Variants in BMPR1A observed in about 807,000 individuals in gnomAD.
The protein encoded by BMPR1A is bone morphogenetic protein receptor type 1A.
A neutral mutation model predicts 66.0 loss-of-function variants in BMPR1A; 7 were observed. That is an observed-to-expected ratio of 0.11 (90% CI 0.06 to 0.20). BMPR1A has a LOEUF of 0.20. Ranked by LOEUF, BMPR1A falls within the 10% of genes least tolerant of loss-of-function variation. The pLI, the probability that BMPR1A is intolerant of heterozygous loss-of-function variation, is 1.00. For synonymous variants in BMPR1A, 200 were observed against 229.7 expected, an observed-to-expected ratio of 0.87 and a Z score of 1.17; for missense variants, 408 against 669.1, an observed-to-expected ratio of 0.61 and a Z score of 4.31.
chr10:86,923,506 A>C lies in BMPR1A; in HGVS notation c.1473A>C (p.Glu491Asp). ...TGTCTAATCGGTGGAACAGTGATGA[A>C]GTGAGTGGAACTCAGTCCCCTGAAG... ...PIVSNRWNSD[E>D]CLRAVLKLMS... is the part of the protein sequence containing the mutation. The change falls in exon 12 of 13, where the codon GAA (glutamate) becomes GAC (aspartate). Residue 491 changes from glutamate (E) to aspartate (D), a missense_variant and splice_region_variant. Glu to Asp is a conservative substitution (Grantham distance 45, BLOSUM62 2). Transcript: ENST00000372037. The C allele has an allele frequency of 6.2e-7, 1 of 1,614,246 alleles. No homozygotes were observed. Among genetic ancestry groups the C allele is most frequent in the Non-Finnish European group, 8.5e-7 (1 of 1,180,048 alleles).
At chr10:86,854,023 A>T (rs1842607674) in intron 2 of BMPR1A, among the ~76,000 whole-genome samples, 2 of 152,150 alleles carry the variant, frequency 1.3e-5, no homozygotes, top group African/African-American at 4.8e-5. Flanking sequence ...GGCTTATTTC[A>T]TCCCTACAGT....
At chr10:86,808,516 G>A (rs76737044) in intron 1 of BMPR1A, among the ~76,000 whole-genome samples, 169 of 152,052 alleles carry the variant, frequency 1.1e-3, no homozygotes, top group African/African-American at 3.9e-3. Context: ...TTCATGTAAC[G>A]TCAATTCACC....
Position 86,781,929 on chromosome 10 carries a change from C to T in BMPR1A, c.-268+25010C>T, listed in dbSNP as rs947353861. 1.9e-4 allele frequency among the ~76,000 whole-genome samples: 26 copies of T among 138,032 alleles called. 1 individual carries two copies. Among genetic ancestry groups the T allele is most frequent in the Middle Eastern group, 8.8e-3 (2 of 226 alleles). 90.6% of individuals were successfully genotyped at this position (138,032 alleles called of 152,430 possible). On this transcript the variant is annotated intron_variant, in intron 1 of 12. Coordinates refer to ENST00000372037, the MANE Select transcript of BMPR1A (RefSeq NM_004329.3). The stretch of plus-strand genomic sequence containing the variant: ...CCAGGCAGGCTGGAGTGCAGTGGCG[C>T]GATCTGGGCTCACTGCAACCCCCGC...
At chr10:86,878,697 T>C (rs1299290326) in intron 3 of BMPR1A, among the ~76,000 whole-genome samples, 1 of 152,230 alleles carries the variant, frequency 6.6e-6, no homozygotes, top group Non-Finnish European at 1.5e-5. Flanking sequence ...TGGCCTCAAC[T>C]AGACCTGATA....
At chr10:86,916,737 C>G (rs2133572148) in intron 8 of BMPR1A, among the ~76,000 whole-genome samples, 1 of 152,190 alleles carries the variant, frequency 6.6e-6, no homozygotes, top group Non-Finnish European at 1.5e-5. Flanking sequence ...GCCTGTAATC[C>G]CAGCATTATG....
intron 1 of BMPR1A, among the ~76,000 whole-genome samples, chr10:86,830,082 T>C (rs1842246999): frequency 6.6e-6 from 1 of 152,076 alleles, no homozygotes; most frequent in African/African-American, 2.4e-5. Flanking sequence ...AGTGGGAATT[T>C]GTAGCCAAGG....
In BMPR1A at chr10:86,925,768, T is replaced by TGGACTGC. The variant is rs1331225551; in HGVS notation, c.*2057_*2063dup. ...CGGAGTCTCGCTCTGTCGCCCAGGC[T>TGGACTGC]GGACTGCGGACTGCAGTGGCGCAAT... On this transcript the variant is annotated 3_prime_UTR_variant, in exon 13 of 13. Coordinates refer to ENST00000372037, the MANE Select transcript of BMPR1A (RefSeq NM_004329.3). 2 of 146,362 alleles carry TGGACTGC rather than the reference T, an allele frequency of 1.4e-5. No homozygotes were observed. Among genetic ancestry groups the TGGACTGC allele is most frequent in the Non-Finnish European group, 2.8e-5 (2 of 71,694 alleles). The allele number at this position is 146,362 out of a possible 1,614,324, so 9.1% of individuals were successfully genotyped here.
At chr10:86,923,318 A>ATTGGTATATCT in intron 11 of BMPR1A, 58 bp from the exon 12 acceptor site, 1 of 1,606,700 alleles carries the variant, frequency 6.2e-7, no homozygotes, top group South Asian at 1.1e-5. Context: ...TGCTTACTAG[A>ATTGGTATATCT]TTGGTATATC....
intron 2 of BMPR1A, among the ~76,000 whole-genome samples, chr10:86,874,189 A>G (rs1842889276): frequency 6.6e-6 from 1 of 152,188 alleles, no homozygotes; most frequent in African/African-American, 2.4e-5. Flanking sequence ...TCTTGATACT[A>G]ATTAGCCTTT....
intron 2 of BMPR1A, among the ~76,000 whole-genome samples, chr10:86,866,867 C>T (rs552993895): frequency 9.9e-5 from 15 of 152,224 alleles, no homozygotes; most frequent in Non-Finnish European, 2.2e-4. Context: ...TGGAATTCAG[C>T]AAGTTATTTA....
intron 1 of BMPR1A, among the ~76,000 whole-genome samples, chr10:86,806,178 CA>C (rs1841887443): frequency 6.6e-6 from 1 of 152,158 alleles, no homozygotes; most frequent in African/African-American, 2.4e-5. Context: ...TCTAGGGTAT[CA>C]GAAGCATACT....
chr10:86,930,991 C>T (rs528871274), downstream of BMPR1A: 1 of 152,054 alleles, frequency 6.6e-6, no homozygotes, highest in African/African-American at 2.4e-5. Context: ...TGGCTAATGC[C>T]TCTAATCCCA....
intron 1 of BMPR1A, 147 bp downstream of exon 1, chr10:86,757,066 G>C (rs1375298267): frequency 1.3e-5 from 2 of 150,824 alleles, no homozygotes; most frequent in Non-Finnish European, 3.0e-5. Flanking sequence ...CGCAGGCCTC[G>C]GCGCGCGCTG....
At chr10:86,882,859 G>A (rs1220271371) in intron 3 of BMPR1A, among the ~76,000 whole-genome samples, 3 of 151,872 alleles carry the variant, frequency 2.0e-5, no homozygotes, top group African/African-American at 4.8e-5. Context: ...CCAGCTACTC[G>A]GGAGGCTGAG....
At chr10:86,914,262 G>A (rs372025353) in intron 8 of BMPR1A, among the ~76,000 whole-genome samples, 6 of 152,240 alleles carry the variant, frequency 3.9e-5, no homozygotes, top group South Asian at 2.1e-4. Flanking sequence ...AAATTAACTT[G>A]AAATGTAGCA....
intron 1 of BMPR1A, among the ~76,000 whole-genome samples, chr10:86,778,941 T>C (rs1000857059): frequency 4.0e-5 from 6 of 150,848 alleles, no homozygotes; most frequent in African/African-American, 1.5e-4. Context: ...TTTTTTTTTT[T>C]TTTTTAAGTA....
chr10:86,875,731 G>A, intron 2 of BMPR1A, 136 bp from the exon 3 acceptor site: 2 of 433,898 alleles, frequency 4.6e-6, no homozygotes, highest in African/African-American at 2.0e-5. Context: ...AAAAAAAAAA[G>A]CAAGGATACC....
chr10:86,775,134 A>G (rs562221121), intron 1 of BMPR1A, among the ~76,000 whole-genome samples: 1 of 152,234 alleles, frequency 6.6e-6, no homozygotes, highest in Non-Finnish European at 1.5e-5. Context: ...TTTGCTAAGC[A>G]TGTAATCTAC....
At chr10:86,851,859 T>A (rs1842572497) in intron 2 of BMPR1A, among the ~76,000 whole-genome samples, 1 of 152,212 alleles carries the variant, frequency 6.6e-6, no homozygotes. Context: ...AGTCTTGCGT[T>A]ACTAATTTTA....
Sources: allele counts gnomAD v4.1 joint callset (sites outside exome capture counted in the v4.1 genomes callset), GRCh38; gene constraint gnomAD v4.1.1; transcripts MANE v1.5; gene names NCBI Gene and HGNC (gene_info 2026-07-23, HGNC 2026-07-21).